NPM1: variants seen among roughly 807,000 people sequenced by gnomAD.
The protein encoded by NPM1 is nucleophosmin.
In NPM1, 1 loss-of-function variant was observed where a neutral mutation model predicts 44.1. The ratio of observed to expected loss-of-function variants is 0.02; its 90% CI spans 0.01 to 0.11. NPM1 has a LOEUF of 0.11. Ranked by LOEUF, NPM1 falls within the 10% of genes least tolerant of loss-of-function variation. The probability of loss-of-function intolerance (pLI) is 1.00; values close to 1 mark genes in which losing one functional copy is unlikely to be tolerated. For synonymous variants in NPM1, 126 were observed against 111.8 expected, an observed-to-expected ratio of 1.13 and a Z score of -0.80; for missense variants, 197 against 347.8, an observed-to-expected ratio of 0.57 and a Z score of 3.45.
At chr5:171,391,226 G>A (rs2113166258) in intron 2 of NPM1, 79 bp from the exon 3 acceptor site, 2 of 1,504,792 alleles carry the variant, frequency 1.3e-6, no homozygotes, top group Non-Finnish European at 1.8e-6. Context: ...GTGACGCATG[G>A]CTGCATATAA....
rs1770580364 is a variant in NPM1, at chr5:171,391,573, G to A, written c.259-133G>A. On this transcript the variant is annotated intron_variant, in intron 3 of 10. Transcript: ENST00000296930. ...CGATGGTCAACTCTTGAACATGGGG[G>A]CTTCTGCTGCTACTTTTATCAGAGG... 7 of 1,143,354 alleles carry A rather than the reference G, an allele frequency of 6.1e-6. No individual in the cohort carries two copies. In the Admixed American group the frequency reaches 9.9e-5, roughly 16 times the overall value. 70.8% of individuals were successfully genotyped at this position (1,143,354 alleles called of 1,614,324 possible).
At chr5:171,399,386 C>T (rs1311792547) in intron 6 of NPM1, among the ~76,000 whole-genome samples, 1 of 152,190 alleles carries the variant, frequency 6.6e-6, no homozygotes, top group East Asian at 1.9e-4. Flanking sequence ...GCTAGGACTA[C>T]AGGCGCACAC....
At chr5:171,408,233 G>C (rs1771666069) in intron 10 of NPM1, among the ~76,000 whole-genome samples, 1 of 150,664 alleles carries the variant, frequency 6.6e-6, no homozygotes, top group African/African-American at 2.4e-5. Context: ...ACACTAAATT[G>C]TGGCTACTAC....
intron 10 of NPM1, among the ~76,000 whole-genome samples, chr5:171,408,928 G>A (rs534150640): frequency 6.6e-6 from 1 of 152,106 alleles, no homozygotes; most frequent in African/African-American, 2.4e-5. Flanking sequence ...TTATAACAAA[G>A]GCTTGTAGCT....
At chr5:171,392,685 T>C (rs201583718) in intron 4 of NPM1, 25 bp from the exon 5 acceptor site, 21 of 1,512,660 alleles carry the variant, frequency 1.4e-5, no homozygotes, top group Admixed American at 5.3e-5. Flanking sequence ...TTGAGTTTTA[T>C]AATGTCTAAT....
At chr5:171,395,899 G>A (rs1035921961) in intron 6 of NPM1, among the ~76,000 whole-genome samples, 2 of 151,900 alleles carry the variant, frequency 1.3e-5, no homozygotes, top group Admixed American at 1.3e-4. Context: ...TATGTAATAC[G>A]TTGATAGTAT....
Position 171,391,810 on chromosome 5 carries a change from TTTA to T in NPM1, c.352+13_352+15del. ...GACAGCACTTAGTAGGTATGTTATT[TTTA>T]TATATTATACTACTTAGTTTGTCCT... On this transcript the variant is annotated intron_variant, in intron 4 of 10. Transcript: ENST00000296930. 4.6e-6 allele frequency: 7 copies of T among 1,521,958 alleles called. No individual in the cohort carries two copies. Among genetic ancestry groups the T allele is most frequent in the Non-Finnish European group, 4.6e-6 (5 of 1,098,050 alleles). 94.3% of individuals were successfully genotyped at this position (1,521,958 alleles called of 1,614,324 possible). A position where few individuals can be genotyped will look rare whatever the true frequency, so the allele number is the denominator to read the frequency against.
At chr5:171,397,745 C>CT (rs1280217293) in intron 6 of NPM1, among the ~76,000 whole-genome samples, 1 of 151,566 alleles carries the variant, frequency 6.6e-6, no homozygotes, top group Non-Finnish European at 1.5e-5. Flanking sequence ...ATCCACCTCC[C>CT]TCTGCCTCCC....
intron 10 of NPM1, among the ~76,000 whole-genome samples, chr5:171,410,147 G>A (rs1771752819): frequency 6.6e-6 from 1 of 152,178 alleles, no homozygotes; most frequent in African/African-American, 2.4e-5. Flanking sequence ...ACATGCACAG[G>A]CAATTCAGAA....
chr5:171,398,550 G>A (rs1581248216), intron 6 of NPM1, among the ~76,000 whole-genome samples: 1 of 152,234 alleles, frequency 6.6e-6, no homozygotes, highest in Non-Finnish European at 1.5e-5. Flanking sequence ...TGAGGCAGGC[G>A]GATCATGACC....
intron 10 of NPM1, among the ~76,000 whole-genome samples, chr5:171,409,228 CAA>C (rs750412076): frequency 6.6e-6 from 1 of 152,136 alleles, no homozygotes; most frequent in Non-Finnish European, 1.5e-5. Flanking sequence ...CAGAGATTAT[CAA>C]AACTAAATGC....
chr5:171,392,769 A>C lies in NPM1; in HGVS notation c.412A>C (p.Ile138Leu), dbSNP rs747866671. 6.2e-7 allele frequency: 1 copy of C among 1,613,922 alleles called. No individual in the cohort carries two copies. The highest frequency in any genetic ancestry group is 1.7e-5 in the Admixed American group (1 of 60,000). The change falls in exon 5 of 11, where the codon ATA becomes CTA. Residue 138 changes from isoleucine to leucine, a missense_variant. This residue lies in a region of NPM1 where 91 missense variants were observed against 94.0 expected (regional missense o/e 0.97). Transcript: ENST00000296930. The stretch of plus-strand genomic sequence containing the variant: ...GGAGGAGGATGTGAAACTCTTAAGT[A>C]TATCTGGAAAGCGGTCTGCCCCTGG... Reference protein sequence around the residue: ...EEEEDVKLLSISGKRSAPGGG... With the variant: ...EEEEDVKLLSLSGKRSAPGGG...
In NPM1 at chr5:171,394,046, T is replaced by C. The variant is rs76022399; in HGVS notation, c.524+1068T>C. ...ACTGTTGCTGTTTTTGTTTTCTTTT[T>C]TTTTTTTTTTTTTTTTGAGATGGAG... On this transcript the variant is annotated intron_variant, in intron 6 of 10. Coordinates refer to ENST00000296930, the MANE Select transcript of NPM1 (RefSeq NM_002520.7). 1.7e-3 allele frequency among the ~76,000 whole-genome samples: 94 copies of C among 55,846 alleles called. 3 individuals carry two copies. The highest frequency in any genetic ancestry group is 3.7e-3 in the South Asian group (5 of 1,348). The allele number at this position is 55,846 out of a possible 152,430, so 36.6% of individuals were successfully genotyped here.
chr5:171,393,022 CAA>C lies in NPM1; in HGVS notation c.524+50_524+51del, dbSNP rs749829136. ...ACTTGATATACTTCCGGAATCTTGA[CAA>C]AAAAAGGAATTTGACATAGTTATAT... On this transcript the variant is annotated intron_variant, in intron 6 of 10. Coordinates refer to ENST00000296930, the MANE Select transcript of NPM1 (RefSeq NM_002520.7). 4.5e-6 allele frequency: 7 copies of C among 1,569,040 alleles called. No individual in the cohort carries two copies. The Middle Eastern group carries it at 7.6e-4, about 170-fold the overall frequency.
chr5:171,394,231 G>C (rs1469546499), intron 6 of NPM1, among the ~76,000 whole-genome samples: 1 of 151,668 alleles, frequency 6.6e-6, no homozygotes, highest in African/African-American at 2.4e-5. Flanking sequence ...GTAGAGACAG[G>C]GTTTCAGTAT....
intron 8 of NPM1, among the ~76,000 whole-genome samples, chr5:171,403,680 C>T (rs1265071593): frequency 6.4e-5 from 9 of 140,042 alleles, no homozygotes; most frequent in East Asian, 4.4e-4. Flanking sequence ...GCTGGCCAGG[C>T]GGGGGGCTGA....
At position 171,391,412 on chromosome 5, in the gene NPM1, T is replaced by G. The variant is rs1289512680; in HGVS notation, c.246T>G (p.Ser82=). 5.0e-6 allele frequency: 8 copies of G among 1,607,878 alleles called. No homozygotes were observed. The East Asian group carries it at 1.8e-4, about 36-fold the overall frequency. ...TAACACTGGCAACTTTGAAAATGTC[T>G]GTACAGCCAACGGTAAGGGCACTTA... The part of the protein sequence containing the change: ...IKVTLATLKM[S]VQPTVSLGGF... Residue 82 remains serine (S), a synonymous_variant, in exon 3 of 11, where the codon TCT becomes TCG. Transcript: ENST00000296930.
Position 171,391,270 on chromosome 5 carries a change from CAA to C in NPM1, c.139-32_139-31del, listed in dbSNP as rs753692351. 19 of 1,599,974 alleles carry C rather than the reference CAA, an allele frequency of 1.2e-5. No homozygotes were observed. In the East Asian group the frequency reaches 1.8e-4, roughly 15 times the overall value. ...GGGGGGGTGTAAAATAGGTGGAACTCAAAAGTTGAAGTAGTATTTTTTTTTTG... is the reference window on the plus strand; with the variant it reads ...GGGGGGGTGTAAAATAGGTGGAACTCAAGTTGAAGTAGTATTTTTTTTTTG... On this transcript the variant is annotated intron_variant, in intron 2 of 10. Coordinates refer to ENST00000296930, the MANE Select transcript of NPM1 (RefSeq NM_002520.7).
intron 9 of NPM1, chr5:171,406,690 A>G (rs1296830688): frequency 1.6e-6 from 2 of 1,272,644 alleles, no homozygotes; most frequent in Non-Finnish European, 2.0e-6. Flanking sequence ...TCGCCTTTGT[A>G]TCTCCTTAGC....
Sources: allele counts gnomAD v4.1 joint callset (sites outside exome capture counted in the v4.1 genomes callset), GRCh38; gene constraint gnomAD v4.1.1; regional missense constraint gnomAD v4.1.1; transcripts MANE v1.5; gene names NCBI Gene and HGNC (gene_info 2026-07-23, HGNC 2026-07-21).